PDE1C: variants seen among roughly 807,000 people sequenced by gnomAD.
The protein encoded by PDE1C is phosphodiesterase 1C, also known as dual specificity calcium/calmodulin-dependent 3',5'-cyclic nucleotide phosphodiesterase 1C.
A neutral mutation model predicts 93.1 loss-of-function variants in PDE1C; 62 were observed. The ratio of observed to expected loss-of-function variants is 0.67; its 90% CI spans 0.54 to 0.82. The LOEUF is 0.82. PDE1C is among the 40% of genes least tolerant of loss of function. The pLI is 0.00. For missense variants in PDE1C, 742 were observed against 884.6 expected, an observed-to-expected ratio of 0.84 and a Z score of 2.04; for synonymous variants, 325 against 310.1, an observed-to-expected ratio of 1.05 and a Z score of -0.50.
At chr7:32,131,120 C>T (rs1425568926) in intron 3 of PDE1C, among the ~76,000 whole-genome samples, 5 of 152,124 alleles carry the variant, frequency 3.3e-5, no homozygotes, top group Non-Finnish European at 7.4e-5. Context: ...AACCTGTACA[C>T]ATGCCTTTCT....
intron 1 of PDE1C, among the ~76,000 whole-genome samples, chr7:32,227,802 A>G (rs1410481424): frequency 6.6e-6 from 1 of 152,194 alleles, no homozygotes; most frequent in Non-Finnish European, 1.5e-5. Context: ...GCTCTCTCTT[A>G]GATCAATTAC....
intron 2 of PDE1C, among the ~76,000 whole-genome samples, chr7:31,982,852 C>A (rs1812576102): frequency 6.6e-6 from 1 of 152,166 alleles, no homozygotes; most frequent in Admixed American, 6.5e-5. Context: ...ACCCCATGGG[C>A]TTTGAGAAAT....
intron 3 of PDE1C, among the ~76,000 whole-genome samples, chr7:32,147,984 T>TAACAAAAAAAAAAAAAA (rs1801002667): frequency 1.3e-5 from 1 of 79,730 alleles, no homozygotes; most frequent in African/African-American, 5.6e-5. Flanking sequence ...CCATTTATGC[T>TAACAAAAAAAAAAAAAA]AAAAAAAAAA....
At chr7:32,277,032 C>T (rs1347366982) in intron 1 of PDE1C, among the ~76,000 whole-genome samples, 1 of 152,138 alleles carries the variant, frequency 6.6e-6, no homozygotes, top group East Asian at 1.9e-4. Context: ...GCAGGCAGAT[C>T]GCTTGAGCCC....
chr7:31,932,465 AG>A (rs1804448366), intron 2 of PDE1C, among the ~76,000 whole-genome samples: 1 of 152,306 alleles, frequency 6.6e-6, no homozygotes, highest in Middle Eastern at 3.4e-3. Flanking sequence ...ACATGAAAAA[AG>A]CTCACCATCA....
chr7:31,703,411 A>G, the PDE1C span, among the ~76,000 whole-genome samples: 2 of 152,230 alleles, frequency 1.3e-5, no homozygotes. Context: ...AAAAATGTTT[A>G]TCAAACAACA....
chr7:32,397,876 C>T (rs1407011536), intron 1 of PDE1C, among the ~76,000 whole-genome samples: 7 of 150,860 alleles, frequency 4.6e-5, no homozygotes, highest in African/African-American at 9.9e-5. Context: ...AAAAATTAGC[C>T]GGGCATGGTG....
intron 1 of PDE1C, among the ~76,000 whole-genome samples, chr7:32,408,561 G>C (rs6949207): frequency 0.14 from 20,700 of 152,150 alleles, 2,628 homozygotes; most frequent in African/African-American, 0.33. Flanking sequence ...GGCCAAGGCA[G>C]GCAGATCATT....
chr7:31,702,648 C>A, the PDE1C span, among the ~76,000 whole-genome samples: 6 of 152,300 alleles, frequency 3.9e-5, no homozygotes, highest in Admixed American at 6.5e-5. Context: ...CTTCTTGTTG[C>A]CTGTATTGTC....
At chr7:32,125,072 C>G (rs892278325) in intron 3 of PDE1C, among the ~76,000 whole-genome samples, 20 of 152,262 alleles carry the variant, frequency 1.3e-4, no homozygotes, top group African/African-American at 4.8e-4. Context: ...TGAACAGACA[C>G]TTTGCAAAAG....
At chr7:32,090,881 G>T (rs1797433476) in intron 3 of PDE1C, among the ~76,000 whole-genome samples, 2 of 152,224 alleles carry the variant, frequency 1.3e-5, no homozygotes, top group South Asian at 2.1e-4. Flanking sequence ...TGCGATGTGT[G>T]TGTTAACCTA....
chr7:32,049,579 C>A (rs1793065280), intron 2 of PDE1C, among the ~76,000 whole-genome samples: 1 of 152,090 alleles, frequency 6.6e-6, no homozygotes, highest in Non-Finnish European at 1.5e-5. Flanking sequence ...GGAGACCATG[C>A]AACACAGGAA....
chr7:31,894,961 T>G (rs1480755239), intron 2 of PDE1C, among the ~76,000 whole-genome samples: 1 of 152,156 alleles, frequency 6.6e-6, no homozygotes, highest in Non-Finnish European at 1.5e-5. Context: ...CTGGGGAATT[T>G]AGCCCCATTT....
At chr7:32,111,891 G>A (rs1321550982) in intron 3 of PDE1C, among the ~76,000 whole-genome samples, 3 of 152,106 alleles carry the variant, frequency 2.0e-5, no homozygotes, top group Non-Finnish European at 4.4e-5. Context: ...TAATATAGAT[G>A]GTCAAATAAA....
At chr7:32,427,352 C>T (rs567216765) in intron 1 of PDE1C, among the ~76,000 whole-genome samples, 1 of 152,236 alleles carries the variant, frequency 6.6e-6, no homozygotes. Context: ...GACTTCAAAT[C>T]GTGTGTGCTC....
At chr7:32,416,214 G>A (rs1785273990) in intron 1 of PDE1C, among the ~76,000 whole-genome samples, 1 of 152,236 alleles carries the variant, frequency 6.6e-6, no homozygotes, top group South Asian at 2.1e-4. Flanking sequence ...CTCATCTAAG[G>A]TCGGAGAGTC....
chr7:31,971,096 C>T (rs187519379), intron 2 of PDE1C, among the ~76,000 whole-genome samples: 5 of 152,232 alleles, frequency 3.3e-5, no homozygotes, highest in East Asian at 1.9e-4. Flanking sequence ...GAGCCAAGAT[C>T]GCGCTACTGC....
At chr7:31,644,873 C>G in the PDE1C span, among the ~76,000 whole-genome samples, 2 of 152,206 alleles carry the variant, frequency 1.3e-5, no homozygotes, top group East Asian at 1.9e-4. Flanking sequence ...AGTGGAACCA[C>G]GATTTACTGA....
chr7:31,767,855 G>A (rs948340033), intron 17 of PDE1C, among the ~76,000 whole-genome samples: 1 of 152,152 alleles, frequency 6.6e-6, no homozygotes, highest in African/African-American at 2.4e-5. Flanking sequence ...CTAGCTCTCT[G>A]GGGTCTCTTT....
Sources: gnomAD v4.1 joint callset for allele counts (sites outside exome capture counted in the v4.1 genomes callset) on GRCh38, gnomAD v4.1.1 for gene constraint, MANE v1.5 for transcripts, NCBI Gene and HGNC (gene_info 2026-07-23, HGNC 2026-07-21) for gene names.